The following RCAN2 variants were observed in gnomAD, a reference collection of about 807,000 sequenced individuals.
RCAN2 encodes the protein calcipressin-2.
RCAN2 carries 9 observed loss-of-function variants against 23.6 expected under a neutral mutation model. The ratio of observed to expected loss-of-function variants is 0.38; its 90% CI spans 0.23 to 0.67. The LOEUF (loss-of-function observed/expected upper bound fraction) is 0.67, where lower values mean the gene tolerates loss of function less well. Among genes scored for constraint, RCAN2 ranks in the 30% least tolerant of loss-of-function variants. The probability of loss-of-function intolerance (pLI) is 0.51; values close to 1 mark genes in which losing one functional copy is unlikely to be tolerated. For synonymous variants in RCAN2, 109 were observed against 115.7 expected, an observed-to-expected ratio of 0.94 and a Z score of 0.37; for missense variants, 273 against 302.3, an observed-to-expected ratio of 0.90 and a Z score of 0.72.
At chr6:46,311,690 T>C (rs994890370) in intron 2 of RCAN2, among the ~76,000 whole-genome samples, 2 of 152,200 alleles carry the variant, frequency 1.3e-5, no homozygotes, top group African/African-American at 4.8e-5. Flanking sequence ...GCTTCCTTGT[T>C]TCATGAAATC....
chr6:46,421,525 A>G (rs1368676912), intron 2 of RCAN2, among the ~76,000 whole-genome samples: 4 of 152,250 alleles, frequency 2.6e-5, no homozygotes, highest in African/African-American at 9.6e-5. Flanking sequence ...GAAACATCAG[A>G]GTGAACAGAG....
chr6:46,401,822 T>A (rs1224022595), intron 2 of RCAN2, among the ~76,000 whole-genome samples: 1 of 152,180 alleles, frequency 6.6e-6, no homozygotes, highest in Non-Finnish European at 1.5e-5. Flanking sequence ...AAGTAAGACA[T>A]CTGAGCTTCT....
chr6:46,310,148 G>A (rs979527567), intron 2 of RCAN2, among the ~76,000 whole-genome samples: 3 of 148,872 alleles, frequency 2.0e-5, no homozygotes, highest in Admixed American at 6.6e-5. Flanking sequence ...TTTTCACTAA[G>A]TAGAAAAGAC....
chr6:46,338,491 G>A (rs1764209296), intron 2 of RCAN2, among the ~76,000 whole-genome samples: 1 of 152,100 alleles, frequency 6.6e-6, no homozygotes, highest in Non-Finnish European at 1.5e-5. Flanking sequence ...GCCTCTTTGT[G>A]GCATGTAACA....
At chr6:46,343,478 C>A (rs1434229374) in intron 2 of RCAN2, among the ~76,000 whole-genome samples, 1 of 151,234 alleles carries the variant, frequency 6.6e-6, no homozygotes, top group Non-Finnish European at 1.5e-5. Context: ...CGGGTTCATG[C>A]CATTCTCCTG....
intron 2 of RCAN2, among the ~76,000 whole-genome samples, chr6:46,410,803 A>C (rs1304732495): frequency 6.6e-6 from 1 of 152,244 alleles, no homozygotes; most frequent in African/African-American, 2.4e-5. Context: ...AAAAATATTC[A>C]GTTTTAACAA....
intron 2 of RCAN2, chr6:46,325,554 T>C: frequency 6.3e-7 from 1 of 1,592,922 alleles, no homozygotes; most frequent in Non-Finnish European, 8.5e-7. Flanking sequence ...TCCAGATGGA[T>C]ATTGCTGTGG....
chr6:46,420,359 T>C (rs74813380), intron 2 of RCAN2, among the ~76,000 whole-genome samples: 6,770 of 152,162 alleles, frequency 0.044, 296 homozygotes, highest in South Asian at 0.12. Flanking sequence ...TCTGTATCTA[T>C]ATAGCACTGA....
At chr6:46,250,087 C>T (rs1425195923) in intron 2 of RCAN2, among the ~76,000 whole-genome samples, 1 of 152,200 alleles carries the variant, frequency 6.6e-6, no homozygotes, top group African/African-American at 2.4e-5. Context: ...GGCATGGTCT[C>T]TCTCAAGACT....
At chr6:46,431,459 A>T (rs928328245) in intron 2 of RCAN2, among the ~76,000 whole-genome samples, 1 of 152,222 alleles carries the variant, frequency 6.6e-6, no homozygotes, top group South Asian at 2.1e-4. Flanking sequence ...CAATAAATTC[A>T]TTCAGGGAAA....
chr6:46,290,786 C>A (rs532475376), intron 2 of RCAN2, among the ~76,000 whole-genome samples: 1 of 152,142 alleles, frequency 6.6e-6, no homozygotes, highest in Non-Finnish European at 1.5e-5. Flanking sequence ...ATTATATTTC[C>A]TACAGTCAAC....
chr6:46,477,853 A>G (rs1768757130), intron 1 of RCAN2, among the ~76,000 whole-genome samples: 1 of 152,132 alleles, frequency 6.6e-6, no homozygotes, highest in Non-Finnish European at 1.5e-5. Context: ...AGGAACAGAA[A>G]AGCTCCTACC....
chr6:46,484,826 C>T (rs1768954444), intron 1 of RCAN2, among the ~76,000 whole-genome samples: 1 of 152,206 alleles, frequency 6.6e-6, no homozygotes, highest in African/African-American at 2.4e-5. Context: ...TAAAAGAAAG[C>T]CTAACTTCCT....
chr6:46,404,400 T>C (rs1370316419), intron 2 of RCAN2, among the ~76,000 whole-genome samples: 1 of 152,214 alleles, frequency 6.6e-6, no homozygotes, highest in Non-Finnish European at 1.5e-5. Flanking sequence ...TTTGTTCATG[T>C]TATTGGGGCC....
intron 2 of RCAN2, among the ~76,000 whole-genome samples, chr6:46,368,543 A>G (rs1227220165): frequency 6.6e-6 from 1 of 152,204 alleles, no homozygotes; most frequent in Non-Finnish European, 1.5e-5. Context: ...AGCCTACTAC[A>G]TATCTAAGCT....
intron 2 of RCAN2, among the ~76,000 whole-genome samples, chr6:46,305,069 G>A (rs1763020204): frequency 6.6e-6 from 1 of 152,048 alleles, no homozygotes; most frequent in Admixed American, 6.6e-5. Context: ...AGCCAATTCT[G>A]TTACTTCATG....
At chr6:46,277,907 C>CA (rs918565614) in intron 2 of RCAN2, among the ~76,000 whole-genome samples, 40 of 152,236 alleles carry the variant, frequency 2.6e-4, no homozygotes, top group African/African-American at 8.4e-4. Flanking sequence ...TGTAGCTCTT[C>CA]AGGTCACTAT....
intron 2 of RCAN2, among the ~76,000 whole-genome samples, chr6:46,411,431 A>G (rs1766547369): frequency 6.6e-6 from 1 of 152,220 alleles, no homozygotes; most frequent in Non-Finnish European, 1.5e-5. Flanking sequence ...AACAACGTGA[A>G]TGCAGTTAAT....
intron 4 of RCAN2, among the ~76,000 whole-genome samples, chr6:46,246,092 T>C (rs1766502025): frequency 1.3e-5 from 2 of 152,108 alleles, no homozygotes; most frequent in South Asian, 2.1e-4. Flanking sequence ...TTGATTGTAA[T>C]AGCAAAAAAC....
Sources: allele counts gnomAD v4.1 joint callset (sites outside exome capture counted in the v4.1 genomes callset), GRCh38; gene constraint gnomAD v4.1.1; transcripts MANE v1.5; gene names NCBI Gene and HGNC (gene_info 2026-07-23, HGNC 2026-07-21).